CNOT6: variants seen among roughly 807,000 people sequenced by gnomAD.
The protein encoded by CNOT6 is CCR4-NOT transcription complex subunit 6, also known as carbon catabolite repression 4 protein.
Under a neutral mutation model 61.2 loss-of-function variants are expected in CNOT6, and 12 were observed. The observed-to-expected ratio is 0.20, with a 90% CI of 0.13 to 0.32. The LOEUF is 0.32. Among genes scored for constraint, CNOT6 ranks in the 10% least tolerant of loss-of-function variants. The pLI is 1.00. For synonymous variants in CNOT6, 225 were observed against 240.6 expected, an observed-to-expected ratio of 0.94 and a Z score of 0.60; for missense variants, 405 against 663.9, an observed-to-expected ratio of 0.61 and a Z score of 4.28.
chr5:180,508,120 A>G (rs191002625), intron 1 of CNOT6, among the ~76,000 whole-genome samples: 2 of 127,688 alleles, frequency 1.6e-5, no homozygotes, highest in East Asian at 4.5e-4. Flanking sequence ...GACTGTTGGA[A>G]TAGCTCAGGT....
intron 2 of CNOT6, among the ~76,000 whole-genome samples, chr5:180,531,358 G>A (rs1029710664): frequency 1.3e-5 from 2 of 150,796 alleles, no homozygotes; most frequent in Non-Finnish European, 3.0e-5. Context: ...GGTCACGGCC[G>A]GGCAGAGGCG....
In CNOT6 at chr5:180,575,831, A is replaced by G. The variant is rs1015285183; in HGVS notation, c.*1631A>G. 3 of 152,524 alleles carry G rather than the reference A, an allele frequency of 2.0e-5. No homozygotes were observed. The highest frequency in any genetic ancestry group is 7.2e-5 in the African/African-American group (3 of 41,438). The allele number at this position is 152,524 out of a possible 1,614,324, so 9.4% of individuals were successfully genotyped here. On this transcript the variant is annotated 3_prime_UTR_variant, in exon 12 of 12. Transcript: ENST00000261951. ...CGCCATGTGAGCATTAGGAAAAAAA[A>G]TACTCACTCTTACTAACAATTTTTA...
intron 4 of CNOT6, among the ~76,000 whole-genome samples, chr5:180,557,590 G>A (rs180975384): frequency 5.9e-4 from 90 of 152,258 alleles, no homozygotes; most frequent in Admixed American, 3.4e-3. Context: ...TTTACTGGGA[G>A]TCCTTTATAT....
At chr5:180,541,447 T>TTTTA (rs1759035666) in intron 2 of CNOT6, among the ~76,000 whole-genome samples, 1 of 126,286 alleles carries the variant, frequency 7.9e-6, no homozygotes, top group Non-Finnish European at 1.7e-5. Flanking sequence ...AGAAATTTTT[T>TTTTA]TTTTTTTTTT....
chr5:180,527,263 CT>C (rs1312783090), intron 1 of CNOT6, among the ~76,000 whole-genome samples: 1 of 152,176 alleles, frequency 6.6e-6, no homozygotes, highest in Non-Finnish European at 1.5e-5. Flanking sequence ...TAAACAAGGT[CT>C]GTACATTGCA....
At chr5:180,495,634 T>C (rs1756576708) in intron 1 of CNOT6, 1 of 152,250 alleles carries the variant, frequency 6.6e-6, no homozygotes, top group African/African-American at 2.4e-5. Flanking sequence ...TGAGTTCCCA[T>C]ACTTACCTGT....
Position 180,575,451 on chromosome 5 carries a change from T to TC in CNOT6, c.*1251_*1252insC, listed in dbSNP as rs1760962358. The TC allele has an allele frequency of 6.6e-6, 1 of 151,952 alleles. No individual in the cohort carries two copies. Among genetic ancestry groups the TC allele is most frequent in the Non-Finnish European group, 1.5e-5 (1 of 67,958 alleles). 9.4% of individuals were successfully genotyped at this position (151,952 alleles called of 1,614,324 possible). On this transcript the variant is annotated 3_prime_UTR_variant, in exon 12 of 12. Coordinates refer to ENST00000261951, the MANE Select transcript of CNOT6 (RefSeq NM_001370472.1). ...GTCGTCAGTGTCTTTTCCTTAGTCT[T>TC]TTTGTTGTTGTTGTTGTTGTTGTTT...
intron 1 of CNOT6, among the ~76,000 whole-genome samples, chr5:180,519,311 T>C (rs72812928): frequency 0.019 from 2,881 of 152,364 alleles, 37 homozygotes; most frequent in Non-Finnish European, 0.027. Flanking sequence ...ACTGCCATTT[T>C]GAGGAATTCC....
intron 1 of CNOT6, among the ~76,000 whole-genome samples, chr5:180,512,953 T>C (rs1270620045): frequency 6.6e-6 from 1 of 151,124 alleles, no homozygotes; most frequent in Admixed American, 6.6e-5. Flanking sequence ...TGGAGTGCAG[T>C]GGTGCGATCT....
At chr5:180,551,200 C>T (rs1759584188) in intron 3 of CNOT6, among the ~76,000 whole-genome samples, 1 of 151,820 alleles carries the variant, frequency 6.6e-6, no homozygotes, top group Admixed American at 6.6e-5. Flanking sequence ...AAAAAAATCC[C>T]CAGATAATTA....
intron 2 of CNOT6, among the ~76,000 whole-genome samples, chr5:180,535,147 C>T (rs1758615785): frequency 6.6e-6 from 1 of 152,276 alleles, no homozygotes; most frequent in Non-Finnish European, 1.5e-5. Flanking sequence ...GTGGAGGACA[C>T]TGCACACCCA....
chr5:180,570,447 A>G (rs1038642743), intron 10 of CNOT6, among the ~76,000 whole-genome samples: 1 of 152,190 alleles, frequency 6.6e-6, no homozygotes, highest in Admixed American at 6.5e-5. Flanking sequence ...ATCTGTAATT[A>G]TTTCATCTCA....
rs56899929 is a variant in CNOT6, at chr5:180,510,134, C to CTTTTTTTTTT, written c.-3+15397_-3+15406dup. 5.1e-4 allele frequency among the ~76,000 whole-genome samples: 19 copies of CTTTTTTTTTT among 37,384 alleles called. 2 individuals carry two copies. The highest frequency in any genetic ancestry group is 1.1e-3 in the East Asian group (1 of 872). The allele number at this position is 37,384 out of a possible 152,430, so 24.5% of individuals were successfully genotyped here. On this transcript the variant is annotated intron_variant, in intron 1 of 11. Coordinates refer to ENST00000261951, the MANE Select transcript of CNOT6 (RefSeq NM_001370472.1). ...TAAATGAGGTTTATCGTCTGTAAAC[C>CTTTTTTTTTT]TTTTTTTTTTTTTTTTTTTTTTTTT...
At chr5:180,566,933 C>T (rs1171483737) in intron 7 of CNOT6, among the ~76,000 whole-genome samples, 155 bp from the exon 8 acceptor site, 1 of 152,146 alleles carries the variant, frequency 6.6e-6, no homozygotes, top group Admixed American at 6.5e-5. Flanking sequence ...GGGTTACAGA[C>T]ATGAGCCACC....
chr5:180,509,599 T>G (rs1007882973), intron 1 of CNOT6, among the ~76,000 whole-genome samples: 9 of 151,476 alleles, frequency 5.9e-5, no homozygotes, highest in African/African-American at 2.2e-4. Flanking sequence ...TTTTTTTTTT[T>G]GTATTTAGTA....
At chr5:180,552,410 G>C (rs1388310409) in intron 3 of CNOT6, among the ~76,000 whole-genome samples, 2 of 151,906 alleles carry the variant, frequency 1.3e-5, no homozygotes, top group Non-Finnish European at 2.9e-5. Flanking sequence ...GGGAGGCCGA[G>C]GCGGGCGGAT....
chr5:180,562,169 G>A (rs1438752771), intron 4 of CNOT6, among the ~76,000 whole-genome samples: 2 of 152,104 alleles, frequency 1.3e-5, no homozygotes, highest in Non-Finnish European at 1.5e-5. Context: ...TGTGCCGTTC[G>A]TCAGGTCCTG....
intron 1 of CNOT6, among the ~76,000 whole-genome samples, chr5:180,522,285 A>ATT (rs1210860941): frequency 3.4e-5 from 5 of 147,816 alleles, no homozygotes; most frequent in Non-Finnish European, 6.0e-5. Flanking sequence ...TAATTTTTGT[A>ATT]TTTTTTTTTT....
chr5:180,562,321 A>G (rs1760228793), intron 4 of CNOT6, among the ~76,000 whole-genome samples: 1 of 152,080 alleles, frequency 6.6e-6, no homozygotes, highest in South Asian at 2.1e-4. Flanking sequence ...GTAACTTCTC[A>G]TTTACTTTTT....
Sources: allele counts gnomAD v4.1 joint callset (sites outside exome capture counted in the v4.1 genomes callset), GRCh38; gene constraint gnomAD v4.1.1; transcripts MANE v1.5; gene names NCBI Gene and HGNC (gene_info 2026-07-23, HGNC 2026-07-21).